The following CASD1 variants were observed in gnomAD, a reference collection of about 807,000 sequenced individuals.
The protein encoded by CASD1 is CAS1 domain sialic acid O acetyltransferase 1, also known as N-acetylneuraminate (7)9-O-acetyltransferase.
Under a neutral mutation model 100.0 loss-of-function variants are expected in CASD1, and 41 were observed. That is an observed-to-expected ratio of 0.41 (90% CI 0.32 to 0.53). The LOEUF (loss-of-function observed/expected upper bound fraction) is 0.53, where lower values mean the gene tolerates loss of function less well. Ranked by LOEUF, CASD1 falls within the 20% of genes least tolerant of loss-of-function variation. The pLI, the probability that CASD1 is intolerant of heterozygous loss-of-function variation, is 0.25. For synonymous variants in CASD1, 321 were observed against 315.6 expected (o/e 1.02, Z -0.18); for missense variants, 774 against 948.7 (o/e 0.82, Z 2.42).
chr7:94,605,791 CAG>C, the CASD1 span, among the ~76,000 whole-genome samples: 1 of 151,988 alleles, frequency 6.6e-6, no homozygotes, highest in Admixed American at 6.6e-5. Context: ...AGGCAACAAA[CAG>C]AAAACAGTAA....
downstream of CASD1, among the ~76,000 whole-genome samples, chr7:94,558,068 A>G (rs1796265059): frequency 6.6e-6 from 1 of 152,176 alleles, no homozygotes; most frequent in Admixed American, 6.5e-5. Flanking sequence ...GAAATCTACC[A>G]TCTGGCTTTA....
the CASD1 span, chr7:94,629,416 T>C: frequency 1.7e-5 from 5 of 291,608 alleles, no homozygotes; most frequent in Non-Finnish European, 2.6e-5. Flanking sequence ...GGTCTTAATA[T>C]AGAAAATCAT....
chr7:94,611,882 G>A, the CASD1 span, among the ~76,000 whole-genome samples: 1 of 151,976 alleles, frequency 6.6e-6, no homozygotes, highest in Non-Finnish European at 1.5e-5. Flanking sequence ...GTACCTTTGG[G>A]AAACAAATAG....
chr7:94,588,110 C>A, the CASD1 span: 1 of 1,172,026 alleles, frequency 8.5e-7, no homozygotes, highest in Non-Finnish European at 1.1e-6. Context: ...AAATAATTGG[C>A]TGTGGAAAAT....
chr7:94,522,635 C>T (rs575074268), intron 3 of CASD1, among the ~76,000 whole-genome samples: 13 of 151,944 alleles, frequency 8.6e-5, no homozygotes, highest in Admixed American at 2.6e-4. Flanking sequence ...TTGAAGCACG[C>T]GTGGAACTTT....
intron 1 of CASD1, among the ~76,000 whole-genome samples, chr7:94,515,615 G>A (rs1411118448): frequency 6.6e-6 from 1 of 151,910 alleles, no homozygotes; most frequent in Non-Finnish European, 1.5e-5. Context: ...AAAACATACC[G>A]GTAACCCATA....
In CASD1 at chr7:94,510,750, G is replaced by A. The variant is rs1359720733; in HGVS notation, c.133+533G>A. Among the ~76,000 whole-genome samples, 5 of 152,264 alleles carry A rather than the reference G, an allele frequency of 3.3e-5. 1 individual carries two copies. In the East Asian group the frequency reaches 7.7e-4, roughly 23 times the overall value. On this transcript the variant is annotated intron_variant, in intron 1 of 17. Coordinates refer to ENST00000297273, the MANE Select transcript of CASD1 (RefSeq NM_022900.5). Reference sequence around the variant, plus strand: ...GTCTGGGCTGTTGGACAGCGGCAAGGGCCGCCCCCATTTTCCTTTGCCAAA... The same window carrying A: ...GTCTGGGCTGTTGGACAGCGGCAAGAGCCGCCCCCATTTTCCTTTGCCAAA...
chr7:94,557,747 A>G (rs1000096368), downstream of CASD1, among the ~76,000 whole-genome samples: 31 of 151,818 alleles, frequency 2.0e-4, no homozygotes, highest in African/African-American at 5.5e-4. Context: ...TATTTTTTAC[A>G]TATAATTATA....
chr7:94,535,732 G>C (rs1562941397), intron 8 of CASD1, among the ~76,000 whole-genome samples: 1 of 152,090 alleles, frequency 6.6e-6, no homozygotes, highest in Non-Finnish European at 1.5e-5. Context: ...CTCTAAGAGA[G>C]AAAGAAGTTA....
chr7:94,595,731 A>G, the CASD1 span, among the ~76,000 whole-genome samples: 2 of 152,148 alleles, frequency 1.3e-5, no homozygotes, highest in African/African-American at 4.8e-5. Context: ...AATTTGCATA[A>G]AGGACAGCTA....
Position 94,553,253 on chromosome 7 carries a change from A to T in CASD1, c.2034+826A>T, listed in dbSNP as rs1796035158. On this transcript the variant is annotated intron_variant, in intron 16 of 17. Coordinates refer to ENST00000297273, the MANE Select transcript of CASD1 (RefSeq NM_022900.5). ...ATGTATGTTTTCTCATTTAATGTTC[A>T]CATGAACCTTTCAAAGTAAAGCTTA... is the stretch of plus-strand genomic sequence containing the variant. 4 of 207,576 alleles carry T rather than the reference A, an allele frequency of 1.9e-5. No individual in the cohort carries two copies. The Middle Eastern group carries it at 2.8e-3, about 146-fold the overall frequency. The allele number at this position is 207,576 out of a possible 1,614,324, so 12.9% of individuals were successfully genotyped here. A position where few individuals can be genotyped will look rare whatever the true frequency, so the allele number is the denominator to read the frequency against.
intron 10 of CASD1, 128 bp downstream of exon 10, chr7:94,539,184 A>C: frequency 2.3e-6 from 1 of 435,984 alleles, no homozygotes; most frequent in East Asian, 3.5e-5. Flanking sequence ...TTCCCACTTA[A>C]TCTTTCCGCC....
At chr7:94,531,149 T>C (rs974438348) in intron 5 of CASD1, among the ~76,000 whole-genome samples, 2 of 152,030 alleles carry the variant, frequency 1.3e-5, no homozygotes, top group Non-Finnish European at 2.9e-5. Context: ...AGGAAAACTT[T>C]TTGAGGATAA....
At chr7:94,602,273 T>G in the CASD1 span, among the ~76,000 whole-genome samples, 1 of 152,076 alleles carries the variant, frequency 6.6e-6, no homozygotes, top group Non-Finnish European at 1.5e-5. Context: ...AATAATAATT[T>G]TACTTGATTT....
downstream of CASD1, among the ~76,000 whole-genome samples, chr7:94,558,925 GAGT>G (rs1796291507): frequency 6.6e-6 from 1 of 151,760 alleles, no homozygotes; most frequent in South Asian, 2.1e-4. Flanking sequence ...TCAGCCTCCT[GAGT>G]AGCTGGAATT....
intron 1 of CASD1, among the ~76,000 whole-genome samples, chr7:94,513,645 G>A (rs910504334): frequency 5.3e-5 from 8 of 152,174 alleles, no homozygotes; most frequent in African/African-American, 1.9e-4. Flanking sequence ...TTATTGTGTT[G>A]TATTGTAATA....
intron 1 of CASD1, among the ~76,000 whole-genome samples, chr7:94,512,268 G>A (rs936715790): frequency 1.1e-4 from 17 of 152,100 alleles, no homozygotes; most frequent in Non-Finnish European, 5.9e-5. Flanking sequence ...AAAAAAAATT[G>A]CAAAAAATCT....
the CASD1 span, among the ~76,000 whole-genome samples, chr7:94,605,213 A>G: frequency 1.3e-5 from 2 of 152,136 alleles, no homozygotes; most frequent in African/African-American, 4.8e-5. Flanking sequence ...CAGAAATTTA[A>G]AACAACTATG....
Position 94,552,414 on chromosome 7 carries a change from T to C in CASD1, c.2021T>C (p.Val674Ala), listed in dbSNP as rs1206473304. ...KAECNELHPSVSVVQILAFIL... is the reference protein window; with the variant it reads ...KAECNELHPSASVVQILAFIL... Reference sequence around the variant, plus strand: ...GAGTGCAATGAACTCCATCCGTCTGTTTCTGTGGTACAGGTACTATCTTGA... The same window carrying C: ...GAGTGCAATGAACTCCATCCGTCTGCTTCTGTGGTACAGGTACTATCTTGA... Residue 674 changes from valine (V) to alanine (A), a missense_variant, in exon 16 of 18, where the codon GTT (valine) becomes GCT (alanine). Coordinates refer to ENST00000297273, the MANE Select transcript of CASD1 (RefSeq NM_022900.5). The C allele has an allele frequency of 6.2e-7, 1 of 1,609,336 alleles. No individual in the cohort carries two copies. The highest frequency in any genetic ancestry group is 2.2e-5 in the East Asian group (1 of 44,704).
Sources: allele counts gnomAD v4.1 joint callset (sites outside exome capture counted in the v4.1 genomes callset), GRCh38; gene constraint gnomAD v4.1.1; transcripts MANE v1.5; gene names NCBI Gene and HGNC (gene_info 2026-07-23, HGNC 2026-07-21).